Variants in QKI observed in about 807,000 individuals in gnomAD.
QKI encodes KH domain-containing RNA-binding protein QKI.
A neutral mutation model predicts 39.0 loss-of-function variants in QKI; 10 were observed. The ratio of observed to expected loss-of-function variants is 0.26; its 90% CI spans 0.16 to 0.43. The LOEUF (loss-of-function observed/expected upper bound fraction) is 0.43, where lower values mean the gene tolerates loss of function less well. Ranked by LOEUF, QKI falls within the 20% of genes least tolerant of loss-of-function variation. The pLI, the probability that QKI is intolerant of heterozygous loss-of-function variation, is 1.00. For synonymous variants in QKI, 204 were observed against 155.4 expected, an observed-to-expected ratio of 1.31 and a Z score of -2.33; for missense variants, 218 against 428.0, an observed-to-expected ratio of 0.51 and a Z score of 4.33.
rs79913258 is a variant in QKI, at chr6:163,440,410, A to C, written c.143-14869A>C. ...ATATTACTTACCTGTAAGGGAATCT[A>C]CCTGATAATAATGGAATAAAATGCT... On this transcript the variant is annotated intron_variant, in intron 1 of 7. Transcript: ENST00000361752. Among the ~76,000 whole-genome samples the C allele has an allele frequency of 2.9e-3, 440 of 152,294 alleles. 2 individuals are homozygous for C. The highest frequency in any genetic ancestry group is 9.8e-3 in the African/African-American group (408 of 41,572).
At chr6:163,426,219 G>A (rs903914056) in intron 1 of QKI, among the ~76,000 whole-genome samples, 20 of 149,854 alleles carry the variant, frequency 1.3e-4, no homozygotes, top group South Asian at 4.2e-4. Context: ...TGGTTGTTAC[G>A]CCTTTTTAAA....
At chr6:163,569,352 T>TA in intron 7 of QKI, 1 of 1,205,728 alleles carries the variant, frequency 8.3e-7, no homozygotes, top group Non-Finnish European at 1.0e-6. Context: ...AACTGAACAT[T>TA]ACACCTTCTG....
rs186367502 is a variant in QKI, at chr6:163,521,551, C to T, written c.403-13431C>T. Among the ~76,000 whole-genome samples, 780 of 152,210 alleles carry T rather than the reference C, an allele frequency of 5.1e-3. 11 individuals carry two copies. The highest frequency in any genetic ancestry group is 0.018 in the African/African-American group (745 of 41,536). On this transcript the variant is annotated intron_variant, in intron 3 of 7. Coordinates refer to ENST00000361752, the MANE Select transcript of QKI (RefSeq NM_006775.3). ...AGATATATATTTTTTGAGACAGAAA[C>T]TCACTCTGTCGCCCAGGCTGGAGTG... is the stretch of plus-strand genomic sequence containing the variant.
chr6:163,419,387 T>TA (rs1048972836), intron 1 of QKI, among the ~76,000 whole-genome samples: 1 of 152,126 alleles, frequency 6.6e-6, no homozygotes, highest in African/African-American at 2.4e-5. Flanking sequence ...ACTCTTGCTA[T>TA]ACAGATTTCT....
intron 4 of QKI, among the ~76,000 whole-genome samples, chr6:163,543,988 T>C (rs748516541): frequency 2.6e-5 from 4 of 152,112 alleles, no homozygotes; most frequent in Non-Finnish European, 4.4e-5. Flanking sequence ...TAAATACATA[T>C]TTTTATCTTT....
In QKI at chr6:163,468,908, GT is replaced by G. The variant is rs112871082; in HGVS notation, c.286-9860del. Among the ~76,000 whole-genome samples, 740 of 147,070 alleles carry G rather than the reference GT, an allele frequency of 5.0e-3. 6 individuals carry two copies. The highest frequency in any genetic ancestry group is 0.014 in the African/African-American group (549 of 40,522). Reference sequence around the variant, plus strand: ...GTAGACAAAGCAGCTGCTGTGATTAGTTTTTTTTTTTTCTTCATTCTCTACT... The same window carrying G: ...GTAGACAAAGCAGCTGCTGTGATTAGTTTTTTTTTTTCTTCATTCTCTACT... On this transcript the variant is annotated intron_variant, in intron 2 of 7. Transcript: ENST00000361752.
At chr6:163,548,410 T>A (rs893229752) in intron 4 of QKI, among the ~76,000 whole-genome samples, 6 of 152,206 alleles carry the variant, frequency 3.9e-5, no homozygotes, top group African/African-American at 1.4e-4. Context: ...CACTTACCCC[T>A]TTTTGCCTCA....
At chr6:163,437,500 C>T (rs953789072) in intron 1 of QKI, among the ~76,000 whole-genome samples, 2 of 152,064 alleles carry the variant, frequency 1.3e-5, no homozygotes, top group African/African-American at 2.4e-5. Context: ...AATCCACACC[C>T]GAAATGTAGC....
intron 3 of QKI, among the ~76,000 whole-genome samples, chr6:163,520,720 T>G (rs1277271790): frequency 6.6e-6 from 1 of 152,158 alleles, no homozygotes; most frequent in Admixed American, 6.5e-5. Flanking sequence ...AATGTACATG[T>G]CAGTCTTACC....
At chr6:163,492,681 A>G (rs943354621) in intron 3 of QKI, among the ~76,000 whole-genome samples, 2 of 152,174 alleles carry the variant, frequency 1.3e-5, no homozygotes, top group African/African-American at 2.4e-5. Context: ...TGTGAAGAAA[A>G]TTTGGAGTAA....
intron 2 of QKI, among the ~76,000 whole-genome samples, chr6:163,474,159 A>G (rs931043636): frequency 2.6e-5 from 4 of 152,196 alleles, no homozygotes; most frequent in African/African-American, 9.6e-5. Flanking sequence ...TTAGCAAACT[A>G]AGAAATAGAA....
At chr6:163,528,413 G>C (rs970053066) in intron 3 of QKI, among the ~76,000 whole-genome samples, 1 of 152,100 alleles carries the variant, frequency 6.6e-6, no homozygotes, top group East Asian at 1.9e-4. Flanking sequence ...TAGTTGTTGA[G>C]GGTGCATGCT....
chr6:163,450,115 T>C (rs1306515996), intron 1 of QKI, among the ~76,000 whole-genome samples: 1 of 152,136 alleles, frequency 6.6e-6, no homozygotes, highest in East Asian at 1.9e-4. Flanking sequence ...TGTAGTGCAG[T>C]GGCATGATCT....
chr6:163,452,691 A>T (rs987094336), intron 1 of QKI, among the ~76,000 whole-genome samples: 2 of 152,122 alleles, frequency 1.3e-5, no homozygotes, highest in Non-Finnish European at 2.9e-5. Context: ...AACCAGATAG[A>T]TGCTTATATA....
intron 1 of QKI, among the ~76,000 whole-genome samples, chr6:163,415,569 C>T (rs1384675027): frequency 2.6e-5 from 4 of 151,682 alleles, no homozygotes; most frequent in Non-Finnish European, 5.9e-5. Context: ...GACCCCGCGC[C>T]GCTGGCGTCC....
At chr6:163,445,139 A>G (rs1407345038) in intron 1 of QKI, among the ~76,000 whole-genome samples, 2 of 152,174 alleles carry the variant, frequency 1.3e-5, no homozygotes, top group Non-Finnish European at 2.9e-5. Context: ...TTTATTTTGA[A>G]ATAAATTTAG....
intron 3 of QKI, among the ~76,000 whole-genome samples, chr6:163,522,328 G>T (rs921817965): frequency 6.6e-6 from 1 of 152,122 alleles, no homozygotes; most frequent in African/African-American, 2.4e-5. Flanking sequence ...CTCACAGGGT[G>T]TAGTAGAAAC....
At chr6:163,491,285 A>G (rs894503004) in intron 3 of QKI, among the ~76,000 whole-genome samples, 1 of 152,120 alleles carries the variant, frequency 6.6e-6, no homozygotes, top group African/African-American at 2.4e-5. Context: ...TTATCAAGAG[A>G]CATAAAATTA....
intron 1 of QKI, among the ~76,000 whole-genome samples, chr6:163,444,075 T>C (rs1450695133): frequency 6.6e-6 from 1 of 152,212 alleles, no homozygotes; most frequent in African/African-American, 2.4e-5. Flanking sequence ...TTAAAGTAAA[T>C]TCTGGTGGCC....
Sources: gnomAD v4.1 joint callset for allele counts (sites outside exome capture counted in the v4.1 genomes callset) on GRCh38, gnomAD v4.1.1 for gene constraint, MANE v1.5 for transcripts, NCBI Gene and HGNC (gene_info 2026-07-23, HGNC 2026-07-21) for gene names.